Variants in LAMA1 observed in about 807,000 individuals in gnomAD.
LAMA1 encodes laminin subunit alpha-1.
In LAMA1, 219 loss-of-function variants were observed where a neutral mutation model predicts 348.7. The ratio of observed to expected loss-of-function variants is 0.63; its 90% CI spans 0.56 to 0.70. The LOEUF is 0.70. Ranked by LOEUF, LAMA1 falls within the 30% of genes least tolerant of loss-of-function variation. The probability of loss-of-function intolerance (pLI) is 0.00; values close to 1 mark genes in which losing one functional copy is unlikely to be tolerated. For missense variants in LAMA1, 3,744 were observed against 3,888.0 expected, an observed-to-expected ratio of 0.96 and a Z score of 0.99; for synonymous variants, 1,487 against 1,491.0, an observed-to-expected ratio of 1.00 and a Z score of 0.06.
At chr18:7,061,282 G>C (rs752176591) in intron 3 of LAMA1, among the ~76,000 whole-genome samples, 1 of 152,166 alleles carries the variant, frequency 6.6e-6, no homozygotes, top group Non-Finnish European at 1.5e-5. Flanking sequence ...TCAAGTTGAC[G>C]AGGTGTTCTT....
chr18:7,047,565 AT>A (rs986129352), intron 5 of LAMA1, among the ~76,000 whole-genome samples: 2 of 151,906 alleles, frequency 1.3e-5, no homozygotes, highest in South Asian at 2.1e-4. Flanking sequence ...AGCAGGCTTT[AT>A]TTTTTTTGCA....
chr18:6,997,461 A>G (rs904119050), intron 33 of LAMA1, among the ~76,000 whole-genome samples: 3 of 152,220 alleles, frequency 2.0e-5, no homozygotes, highest in African/African-American at 7.2e-5. Flanking sequence ...CCCAAAAGGC[A>G]GAATGAGGGC....
chr18:7,052,330 C>T (rs924564361), intron 3 of LAMA1, among the ~76,000 whole-genome samples: 47 of 152,022 alleles, frequency 3.1e-4, no homozygotes, highest in Non-Finnish European at 5.4e-4. Flanking sequence ...ACTCAGGAGG[C>T]TGAGTCACGA....
chr18:7,115,116 A>G (rs1260726818), intron 1 of LAMA1, among the ~76,000 whole-genome samples: 2 of 152,184 alleles, frequency 1.3e-5, no homozygotes, highest in Admixed American at 1.3e-4. Flanking sequence ...AATATTTTTC[A>G]TGGGCCCTTA....
At chr18:6,998,964 C>T (rs899443930) in intron 32 of LAMA1, among the ~76,000 whole-genome samples, 1 of 152,066 alleles carries the variant, frequency 6.6e-6, no homozygotes, top group African/African-American at 2.4e-5. Flanking sequence ...GTCCAGGAGG[C>T]GGAGGTTGCA....
intron 55 of LAMA1, among the ~76,000 whole-genome samples, chr18:6,957,818 G>A (rs1418451555): frequency 1.3e-5 from 2 of 150,946 alleles, no homozygotes; most frequent in Admixed American, 6.6e-5. Flanking sequence ...TCACTCTGTC[G>A]CCCAGGCTGG....
chr18:7,064,598 T>C (rs2058115092), intron 3 of LAMA1, among the ~76,000 whole-genome samples: 1 of 152,222 alleles, frequency 6.6e-6, no homozygotes, highest in South Asian at 2.1e-4. Flanking sequence ...TTCTCCTTGG[T>C]GGCATTTCCT....
chr18:7,100,773 G>A (rs1302284029), intron 1 of LAMA1, among the ~76,000 whole-genome samples: 1 of 152,064 alleles, frequency 6.6e-6, no homozygotes, highest in Non-Finnish European at 1.5e-5. Context: ...ACTTTGGGGG[G>A]CCGAGACTGG....
rs181698171 is a variant in LAMA1 at position 6,985,470 on chromosome 18, A to G, written c.5496+57T>C. 4.1e-5 allele frequency: 66 copies of G among 1,606,410 alleles called. No individual in the cohort carries two copies. In the East Asian group the frequency reaches 4.5e-4, roughly 11 times the overall value. On this transcript the variant is annotated intron_variant, in intron 38 of 62. Transcript: ENST00000389658. ...ATAACAGATATGTGTGCATATAGAA[A>G]AGATGTGTGAAGATTCTTTAAAAAC...
chr18:7,032,183 G>A lies in LAMA1; in HGVS notation c.2164-7C>T, dbSNP rs774380640. 1.3e-6 allele frequency: 2 copies of A among 1,592,024 alleles called. No individual in the cohort carries two copies. The highest frequency in any genetic ancestry group is 4.5e-5 in the East Asian group (2 of 44,760). On this transcript the variant is annotated splice_polypyrimidine_tract_variant and splice_region_variant and intron_variant, in intron 15 of 62. Coordinates refer to ENST00000389658, the MANE Select transcript of LAMA1 (RefSeq NM_005559.4). ...AATAGCCAGAGAGGCACGACTGCAA[G>A]AGAAGGGAAAGTCATCCTCTTTCCA...
intron 60 of LAMA1, 64 bp from the exon 61 acceptor site, chr18:6,947,360 C>G: frequency 6.2e-7 from 1 of 1,607,864 alleles, no homozygotes; most frequent in East Asian, 2.2e-5. Context: ...GAGCATTTGG[C>G]CTCCTGGCTA....
intron 20 of LAMA1, among the ~76,000 whole-genome samples, chr18:7,016,993 T>G (rs1396436840): frequency 6.6e-6 from 1 of 152,138 alleles, no homozygotes; most frequent in East Asian, 1.9e-4. Flanking sequence ...TCTCATGAGA[T>G]CTGATGATTT....
chr18:7,071,225 A>C (rs1188992051), intron 3 of LAMA1, among the ~76,000 whole-genome samples: 3 of 152,034 alleles, frequency 2.0e-5, no homozygotes, highest in Admixed American at 6.5e-5. Context: ...GCAGCCGTAG[A>C]CTCTGGGCAA....
intron 24 of LAMA1, among the ~76,000 whole-genome samples, chr18:7,011,700 G>A (rs958704367): frequency 1.3e-5 from 2 of 152,174 alleles, no homozygotes; most frequent in Non-Finnish European, 2.9e-5. Flanking sequence ...CTGGGGAAAC[G>A]TTCAATGATA....
chr18:6,975,489 A>C (rs1015201948), intron 45 of LAMA1, among the ~76,000 whole-genome samples: 1 of 152,196 alleles, frequency 6.6e-6, no homozygotes, highest in Non-Finnish European at 1.5e-5. Context: ...TTCAGATACT[A>C]TATGTGCCCG....
chr18:6,955,638 G>A (rs959167688), intron 56 of LAMA1, 173 bp from the exon 57 acceptor site: 39 of 693,434 alleles, frequency 5.6e-5, no homozygotes, highest in Non-Finnish European at 7.9e-5. Context: ...ACTCGCCAGC[G>A]CTTTATCTCC....
intron 3 of LAMA1, among the ~76,000 whole-genome samples, chr18:7,068,813 G>C (rs970941883): frequency 6.6e-6 from 1 of 151,398 alleles, no homozygotes; most frequent in African/African-American, 2.4e-5. Context: ...AAAAAAGCTA[G>C]AATGGATACC....
intron 4 of LAMA1, among the ~76,000 whole-genome samples, 159 bp downstream of exon 4, chr18:7,050,535 T>C (rs952542065): frequency 6.6e-6 from 1 of 152,150 alleles, no homozygotes; most frequent in African/African-American, 2.4e-5. Context: ...AACCATATTG[T>C]TTGTGAAATT....
intron 15 of LAMA1, 66 bp downstream of exon 15, chr18:7,032,918 C>T: frequency 8.5e-7 from 1 of 1,181,342 alleles, no homozygotes. Context: ...ATGACATCCC[C>T]TTCAGTGCAC....
Sources: allele counts gnomAD v4.1 joint callset (sites outside exome capture counted in the v4.1 genomes callset), GRCh38; gene constraint gnomAD v4.1.1; transcripts MANE v1.5; gene names NCBI Gene and HGNC (gene_info 2026-07-23, HGNC 2026-07-21).